The following AUTS2 variants were observed in gnomAD, a reference collection of about 807,000 sequenced individuals.
AUTS2 encodes the protein activator of transcription and developmental regulator AUTS2.
Under a neutral mutation model 112.4 loss-of-function variants are expected in AUTS2, and 17 were observed. That is an observed-to-expected ratio of 0.15 (90% CI 0.10 to 0.23). The LOEUF is 0.23. AUTS2 is among the 10% of genes least tolerant of loss of function. The pLI, the probability that AUTS2 is intolerant of heterozygous loss-of-function variation, is 1.00. For synonymous variants in AUTS2, 751 were observed against 702.7 expected, an observed-to-expected ratio of 1.07 and a Z score of -1.09; for missense variants, 1,510 against 1,701.6, an observed-to-expected ratio of 0.89 and a Z score of 1.98.
chr7:69,801,720 C>T (rs1466950139), intron 1 of AUTS2, among the ~76,000 whole-genome samples: 2 of 152,102 alleles, frequency 1.3e-5, no homozygotes, highest in African/African-American at 4.8e-5. Flanking sequence ...ATATGTCAGG[C>T]ACTTTTCTAG....
At chr7:70,753,769 C>T (rs1006061530) in intron 6 of AUTS2, among the ~76,000 whole-genome samples, 4 of 152,252 alleles carry the variant, frequency 2.6e-5, no homozygotes, top group African/African-American at 7.2e-5. Flanking sequence ...CTCAGTAGGG[C>T]GGTTGGGGTT....
At chr7:69,832,806 A>G (rs536396321) in intron 1 of AUTS2, among the ~76,000 whole-genome samples, 3 of 152,186 alleles carry the variant, frequency 2.0e-5, no homozygotes, top group Non-Finnish European at 4.4e-5. Flanking sequence ...TATACCTTCT[A>G]TCCCTAACAA....
chr7:70,013,300 T>C (rs968669513), intron 2 of AUTS2, among the ~76,000 whole-genome samples: 1 of 152,364 alleles, frequency 6.6e-6, no homozygotes, highest in Admixed American at 6.5e-5. Context: ...AAATAAATCC[T>C]GTCTCCTGAA....
chr7:69,978,001 T>C lies in AUTS2; in HGVS notation c.522+78503T>C, dbSNP rs77312483. 6.1e-3 allele frequency among the ~76,000 whole-genome samples: 929 copies of C among 152,292 alleles called. 7 individuals are homozygous for C. The highest frequency in any genetic ancestry group is 0.021 in the African/African-American group (868 of 41,556). Reference sequence around the variant, plus strand: ...TGTGGATAATAGGGAAAAGTATGTCTACTCCATTTTCTTGGAAGCAGAAGT... The same window carrying C: ...TGTGGATAATAGGGAAAAGTATGTCCACTCCATTTTCTTGGAAGCAGAAGT... On this transcript the variant is annotated intron_variant, in intron 2 of 18. Transcript: ENST00000342771.
At chr7:69,890,684 G>A (rs1190195369) in intron 1 of AUTS2, among the ~76,000 whole-genome samples, 1 of 142,000 alleles carries the variant, frequency 7.0e-6, no homozygotes, top group Non-Finnish European at 1.5e-5. Flanking sequence ...AGAACTGGCT[G>A]TTAAAAATGA....
chr7:70,696,919 T>C (rs1034621285), intron 5 of AUTS2, among the ~76,000 whole-genome samples: 1 of 152,212 alleles, frequency 6.6e-6, no homozygotes, highest in African/African-American at 2.4e-5. Flanking sequence ...GCCATGAATT[T>C]AACATGAATT....
chr7:70,298,743 G>C (rs1789063085), intron 4 of AUTS2, among the ~76,000 whole-genome samples: 1 of 152,194 alleles, frequency 6.6e-6, no homozygotes, highest in Non-Finnish European at 1.5e-5. Context: ...ATTAACACAT[G>C]CTGTTAGTGG....
intron 1 of AUTS2, among the ~76,000 whole-genome samples, chr7:69,689,906 T>A (rs1427744505): frequency 6.6e-6 from 1 of 150,820 alleles, no homozygotes; most frequent in Non-Finnish European, 1.5e-5. Flanking sequence ...TCGGCCAGGC[T>A]GGTCTTGAAC....
At chr7:70,020,406 T>C (rs1393172166) in intron 2 of AUTS2, among the ~76,000 whole-genome samples, 2 of 152,212 alleles carry the variant, frequency 1.3e-5, no homozygotes, top group African/African-American at 2.4e-5. Flanking sequence ...CTATTTTTGA[T>C]GGACTCTGCA....
At chr7:70,666,296 G>A (rs1225993169) in intron 5 of AUTS2, among the ~76,000 whole-genome samples, 1 of 152,228 alleles carries the variant, frequency 6.6e-6, no homozygotes, top group Non-Finnish European at 1.5e-5. Flanking sequence ...CATCCAGCAC[G>A]ACACTAAGTG....
intron 4 of AUTS2, among the ~76,000 whole-genome samples, chr7:70,194,020 A>G (rs1486225138): frequency 1.3e-5 from 2 of 152,184 alleles, no homozygotes; most frequent in African/African-American, 4.8e-5. Flanking sequence ...ATTTACCAAA[A>G]TCTGTGATTG....
At position 70,559,551 on chromosome 7, in the gene AUTS2, G is replaced by A. The variant is rs549533604; in HGVS notation, c.690+123770G>A. On this transcript the variant is annotated intron_variant, in intron 5 of 18. Coordinates refer to ENST00000342771, the MANE Select transcript of AUTS2 (RefSeq NM_015570.4). Reference sequence around the variant, plus strand: ...GGTTTCACCATATGGTCAGCCTGGTGTCAAACTCCTGACCTCAAGTGATCC... The same window carrying A: ...GGTTTCACCATATGGTCAGCCTGGTATCAAACTCCTGACCTCAAGTGATCC... Among the ~76,000 whole-genome samples, 10 of 152,138 alleles carry A rather than the reference G, an allele frequency of 6.6e-5. No homozygotes were observed. The South Asian group carries it at 1.0e-3, about 16-fold the overall frequency.
intron 1 of AUTS2, among the ~76,000 whole-genome samples, chr7:69,715,129 C>G (rs1798538798): frequency 2.0e-5 from 3 of 151,104 alleles, no homozygotes. Flanking sequence ...TCATTTACCA[C>G]CTGAGAAATC....
chr7:69,876,358 A>ATG (rs1793768277), intron 1 of AUTS2, among the ~76,000 whole-genome samples: 1 of 97,050 alleles, frequency 1.0e-5, no homozygotes, highest in Non-Finnish European at 2.0e-5. Context: ...AAATATATAT[A>ATG]TATATATATA....
rs201300493 is a variant in AUTS2, at chr7:70,299,844, T to A, written c.661-135908T>A. Among the ~76,000 whole-genome samples, 224 of 134,206 alleles carry A rather than the reference T, an allele frequency of 1.7e-3. 3 individuals are homozygous for A. The highest frequency in any genetic ancestry group is 5.9e-3 in the African/African-American group (213 of 36,076). 88.0% of individuals were successfully genotyped at this position (134,206 alleles called of 152,430 possible). A position where few individuals can be genotyped will look rare whatever the true frequency, so the allele number is the denominator to read the frequency against. ...TTTTTTTCCTTTAAAAAAAAAAAAA[T>A]CTTTCTGTTTGATAATAGGGATCAG... On this transcript the variant is annotated intron_variant, in intron 4 of 18. Coordinates refer to ENST00000342771, the MANE Select transcript of AUTS2 (RefSeq NM_015570.4).
intron 4 of AUTS2, among the ~76,000 whole-genome samples, chr7:70,323,799 G>A (rs1013964123): frequency 6.6e-6 from 1 of 152,144 alleles, no homozygotes; most frequent in Admixed American, 6.5e-5. Context: ...TAGCCCAGAT[G>A]GTAATGCCTT....
intron 14 of AUTS2, among the ~76,000 whole-genome samples, chr7:70,778,096 T>G (rs1370363913): frequency 6.6e-6 from 1 of 152,186 alleles, no homozygotes; most frequent in Non-Finnish European, 1.5e-5. Context: ...TATATTTTCA[T>G]CATAGGGATG....
chr7:69,746,777 G>C (rs1189066535), intron 1 of AUTS2, among the ~76,000 whole-genome samples: 1 of 152,130 alleles, frequency 6.6e-6, no homozygotes, highest in Non-Finnish European at 1.5e-5. Flanking sequence ...CTCTGAATGA[G>C]GTGGGGCACT....
At chr7:70,014,259 G>A (rs1275066273) in intron 2 of AUTS2, among the ~76,000 whole-genome samples, 4 of 152,150 alleles carry the variant, frequency 2.6e-5, no homozygotes, top group Non-Finnish European at 5.9e-5. Context: ...AGCTTAAAGA[G>A]GCATACACTT....
Sources: allele counts gnomAD v4.1 joint callset (sites outside exome capture counted in the v4.1 genomes callset), GRCh38; gene constraint gnomAD v4.1.1; transcripts MANE v1.5; gene names NCBI Gene and HGNC (gene_info 2026-07-23, HGNC 2026-07-21).